Variants in PHACTR2 observed in about 807,000 individuals in gnomAD.
PHACTR2 encodes phosphatase and actin regulator 2, also known as chromosome 6 open reading frame 56.
Under a neutral mutation model 76.0 loss-of-function variants are expected in PHACTR2, and 30 were observed. The ratio of observed to expected loss-of-function variants is 0.39; its 90% CI spans 0.30 to 0.54. The LOEUF is 0.54. Ranked by LOEUF, PHACTR2 falls within the 20% of genes least tolerant of loss-of-function variation. PHACTR2 has a pLI of 0.61. For missense variants in PHACTR2, 696 were observed against 781.1 expected, an observed-to-expected ratio of 0.89 and a Z score of 1.30; for synonymous variants, 292 against 292.5, an observed-to-expected ratio of 1.00 and a Z score of 0.02.
In PHACTR2 at chr6:143,772,897, G is replaced by C. The variant is rs916510901; in HGVS notation, c.1432+440G>C. ...GTACTGGGGTTTATAGAAAGGGGAA[G>C]GAGGAATGAGTCAAGAATGCCAAAT... On this transcript the variant is annotated intron_variant, in intron 7 of 12. Coordinates refer to ENST00000440869, the MANE Select transcript of PHACTR2 (RefSeq NM_001100164.2). The surrounding 1 kb of genome is among the most constrained non-coding windows in gnomAD (Gnocchi z 5.4). Among the ~76,000 whole-genome samples the C allele has an allele frequency of 5.3e-5, 8 of 152,190 alleles. No individual in the cohort carries two copies. The highest frequency in any genetic ancestry group is 1.2e-4 in the Non-Finnish European group (8 of 68,040).
rs746454743 is a variant in PHACTR2 at position 143,739,753 on chromosome 6, T to G, written c.215-9232T>G. Among the ~76,000 whole-genome samples, 12 of 152,186 alleles carry G rather than the reference T, an allele frequency of 7.9e-5. No homozygotes were observed. The highest frequency in any genetic ancestry group is 1.2e-4 in the Non-Finnish European group (8 of 68,040). ...CATTGTTTGAATCTTGGACCTTTAT[T>G]CCTTCGGAATTAGAACCATAGGTCC... On this transcript the variant is annotated intron_variant, in intron 2 of 12. Coordinates refer to ENST00000440869, the MANE Select transcript of PHACTR2 (RefSeq NM_001100164.2). The surrounding 1 kb of genome is among the most constrained non-coding windows in gnomAD (Gnocchi z 4.3).
intron 2 of PHACTR2, among the ~76,000 whole-genome samples, chr6:143,715,832 T>A (rs1430137211): frequency 6.6e-6 from 1 of 152,236 alleles, no homozygotes; most frequent in Non-Finnish European, 1.5e-5. Context: ...TCTCACCATC[T>A]TCTACATTCT....
At chr6:143,567,927 A>T (rs988133530) in intron 1 of PHACTR2, among the ~76,000 whole-genome samples, 1 of 152,216 alleles carries the variant, frequency 6.6e-6, no homozygotes, top group Non-Finnish European at 1.5e-5. Context: ...TTACCTCTAG[A>T]AACGTTCCAG....
At chr6:143,786,352 G>A (rs1284139325) in intron 10 of PHACTR2, among the ~76,000 whole-genome samples, 1 of 152,184 alleles carries the variant, frequency 6.6e-6, no homozygotes, top group Non-Finnish European at 1.5e-5. Context: ...GACCACCTCA[G>A]CCTGGACCTT....
chr6:143,681,678 C>T (rs1483948650), intron 1 of PHACTR2, among the ~76,000 whole-genome samples: 1 of 152,194 alleles, frequency 6.6e-6, no homozygotes, highest in East Asian at 1.9e-4. Context: ...GGCAAGAAGA[C>T]TTACACCTGT....
At chr6:143,667,275 C>T (rs901369178) in intron 1 of PHACTR2, among the ~76,000 whole-genome samples, 2 of 152,184 alleles carry the variant, frequency 1.3e-5, no homozygotes, top group African/African-American at 4.8e-5. Flanking sequence ...GCTTTGGTTA[C>T]TGTAGCCTTG....
chr6:143,801,973 G>C lies in PHACTR2; in HGVS notation c.1846-5084G>C, dbSNP rs1775966775. The stretch of plus-strand genomic sequence containing the variant: ...AGATAGGCCCCTCAGCTGCAGGTCT[G>C]TTGGAGTTTACTGGAGGTCCACTCC... On this transcript the variant is annotated intron_variant, in intron 11 of 12. Transcript: ENST00000440869. This position sits in a 1 kb window ranked among gnomAD's most constrained non-coding sequence, Gnocchi z 4.6. Among the ~76,000 whole-genome samples, 1 of 152,104 alleles carries C rather than the reference G, an allele frequency of 6.6e-6. No individual in the cohort carries two copies. The highest frequency in any genetic ancestry group is 1.5e-5 in the Non-Finnish European group (1 of 68,010).
intron 2 of PHACTR2, among the ~76,000 whole-genome samples, chr6:143,723,125 A>G (rs897194137): frequency 6.6e-6 from 1 of 152,116 alleles, no homozygotes; most frequent in Non-Finnish European, 1.5e-5. Context: ...TTGTCAGGCT[A>G]TTGTAGGACT....
chr6:143,640,093 T>C (rs1776538718), intron 1 of PHACTR2, among the ~76,000 whole-genome samples: 1 of 152,230 alleles, frequency 6.6e-6, no homozygotes, highest in South Asian at 2.1e-4. Context: ...ATAGTGCAAA[T>C]GCTTTACTCA....
rs1775114246 is a variant in PHACTR2, at chr6:143,553,069, C to T, written c.217+15862C>T. Among the ~76,000 whole-genome samples, 1 of 152,126 alleles carries T rather than the reference C, an allele frequency of 6.6e-6. No individual in the cohort carries two copies. The highest frequency in any genetic ancestry group is 1.5e-5 in the Non-Finnish European group (1 of 68,030). The stretch of plus-strand genomic sequence containing the variant: ...CATCCAGATGCTTAAACATGCTTAT[C>T]CCAGCCCAGAAGTGTGGCTGAGGGG... On this transcript the variant is annotated intron_variant, in intron 1 of 11. Coordinates refer to the PHACTR2 transcript ENST00000367584. The surrounding 1 kb of genome is among the most constrained non-coding windows in gnomAD (Gnocchi z 4.2).
At position 143,608,257 on chromosome 6, in the gene PHACTR2, G is replaced by T; in HGVS notation, c.-53G>T. The T allele has an allele frequency of 6.2e-7, 1 of 1,608,582 alleles. No homozygotes were observed. Among genetic ancestry groups the T allele is most frequent in the Non-Finnish European group, 8.5e-7 (1 of 1,175,270 alleles). On this transcript the variant is annotated 5_prime_UTR_variant, in exon 1 of 12. Coordinates refer to the PHACTR2 transcript ENST00000305766. This position sits in a 1 kb window ranked among gnomAD's most constrained non-coding sequence, Gnocchi z 4.6. ...ACAGGGTGCTTCGTTAGTCAGAAGA[G>T]CCAGGGCTTCCCGGCTGCCAGGCTA...
intron 1 of PHACTR2, among the ~76,000 whole-genome samples, chr6:143,538,696 G>C (rs527694276): frequency 5.9e-5 from 9 of 152,338 alleles, no homozygotes; most frequent in Non-Finnish European, 1.2e-4. Flanking sequence ...CTCCACTTCA[G>C]CTGGCTAACT....
At chr6:143,660,655 A>G (rs768549699) in intron 1 of PHACTR2, among the ~76,000 whole-genome samples, 2 of 152,234 alleles carry the variant, frequency 1.3e-5, no homozygotes, top group Non-Finnish European at 2.9e-5. Context: ...GTGTTTCAGT[A>G]GTAAATGAAA....
chr6:143,629,069 A>G (rs1179842114), intron 1 of PHACTR2, among the ~76,000 whole-genome samples: 1 of 150,608 alleles, frequency 6.6e-6, no homozygotes, highest in Non-Finnish European at 1.5e-5. Context: ...GTAAGTACAG[A>G]AGATAATGGT....
At chr6:143,718,262 A>G (rs543113430) in intron 2 of PHACTR2, among the ~76,000 whole-genome samples, 1 of 152,312 alleles carries the variant, frequency 6.6e-6, no homozygotes, top group African/African-American at 2.4e-5. Context: ...CAAGAACTTG[A>G]TTCATATTAA....
At chr6:143,716,635 A>T (rs1259836205) in intron 2 of PHACTR2, among the ~76,000 whole-genome samples, 1 of 152,242 alleles carries the variant, frequency 6.6e-6, no homozygotes, top group East Asian at 1.9e-4. Flanking sequence ...CACCTCACTC[A>T]GTCTATGGCC....
rs1775600058 is a variant in PHACTR2, at chr6:143,584,071, C to T, written c.217+46864C>T. ...GCCTATATCCCTGTCTGCCTGTTAGCTGTTAATACCTCCTAAGCCAGGATG... is the reference window on the plus strand; with the variant it reads ...GCCTATATCCCTGTCTGCCTGTTAGTTGTTAATACCTCCTAAGCCAGGATG... On this transcript the variant is annotated intron_variant, in intron 1 of 11. Coordinates refer to the PHACTR2 transcript ENST00000367584. Among the ~76,000 whole-genome samples the T allele has an allele frequency of 2.6e-5, 4 of 152,348 alleles. No individual in the cohort carries two copies. The South Asian group carries it at 8.3e-4, about 32-fold the overall frequency.
intron 1 of PHACTR2, among the ~76,000 whole-genome samples, chr6:143,694,669 C>T (rs146268646): frequency 3.3e-5 from 5 of 152,070 alleles, no homozygotes; most frequent in African/African-American, 4.8e-5. Context: ...AATGAATAAG[C>T]GTGTTAAAGA....
rs897485765 is a variant in PHACTR2 at position 143,807,608 on chromosome 6, T to C, written c.1922+475T>C. ...CTTAGTTGAAGTTGTATGCCCAGAA[T>C]AGATGCTGGCGAGAGTCAGTGTGGG... On this transcript the variant is annotated intron_variant, in intron 12 of 12. Transcript: ENST00000440869. The surrounding 1 kb of genome is among the most constrained non-coding windows in gnomAD (Gnocchi z 5.5). Among the ~76,000 whole-genome samples the C allele has an allele frequency of 1.3e-5, 2 of 152,240 alleles. No homozygotes were observed. The highest frequency in any genetic ancestry group is 2.9e-5 in the Non-Finnish European group (2 of 68,040).
Sources: allele counts gnomAD v4.1 joint callset (sites outside exome capture counted in the v4.1 genomes callset), GRCh38; gene constraint gnomAD v4.1.1; non-coding constraint Gnocchi (gnomAD v3.1); transcripts MANE v1.5; gene names NCBI Gene and HGNC (gene_info 2026-07-23, HGNC 2026-07-21).